The following DIAPH2 variants were observed in gnomAD, a reference collection of about 807,000 sequenced individuals.
The protein encoded by DIAPH2 is protein diaphanous homolog 2.
A neutral mutation model predicts 92.7 loss-of-function variants in DIAPH2; 35 were observed. The ratio of observed to expected loss-of-function variants is 0.38; its 90% CI spans 0.29 to 0.50. The LOEUF (loss-of-function observed/expected upper bound fraction) is 0.50. Ranked by LOEUF, DIAPH2 falls within the 20% of genes least tolerant of loss-of-function variation. DIAPH2 has a pLI of 0.94. For missense variants in DIAPH2, 701 were observed against 819.5 expected, an observed-to-expected ratio of 0.86 and a Z score of 1.77; for synonymous variants, 301 against 280.4, an observed-to-expected ratio of 1.07 and a Z score of -0.73.
intron 4 of DIAPH2, among the ~76,000 whole-genome samples, chrX:96,857,662 G>A (rs1020172009): frequency 8.9e-6 from 1 of 112,105 alleles, no homozygotes; most frequent in East Asian, 2.8e-4. Flanking sequence ...GGAATAACGA[G>A]CGTTTTCTTT....
chrX:97,323,401 C>T (rs1488320260), intron 23 of DIAPH2, among the ~76,000 whole-genome samples: 1 of 98,132 alleles, frequency 1.0e-5, no homozygotes, highest in Non-Finnish European at 2.0e-5. Flanking sequence ...ACCATCCTGG[C>T]GAACACGGTG....
chrX:97,113,279 G>T (rs1440576393), intron 20 of DIAPH2, among the ~76,000 whole-genome samples: 1 of 111,391 alleles, frequency 9.0e-6, no homozygotes, highest in Non-Finnish European at 1.9e-5. Flanking sequence ...AAAATCATGT[G>T]CTGGCTTTTT....
chrX:97,297,023 C>T (rs1395056541), intron 23 of DIAPH2, among the ~76,000 whole-genome samples: 2 of 106,129 alleles, frequency 1.9e-5, no homozygotes, highest in African/African-American at 3.4e-5. Context: ...GTGATCTGCC[C>T]ACCTCAGCCT....
chrX:97,493,949 G>A (rs1308943291), intron 26 of DIAPH2, among the ~76,000 whole-genome samples: 1 of 106,657 alleles, frequency 9.4e-6, no homozygotes, highest in Admixed American at 1.0e-4. Flanking sequence ...GGGCATGGTG[G>A]CTCACACCTG....
intron 15 of DIAPH2, among the ~76,000 whole-genome samples, chrX:96,950,980 G>A (rs1335429887): frequency 9.0e-6 from 1 of 111,723 alleles, no homozygotes; most frequent in Non-Finnish European, 1.9e-5. Flanking sequence ...GGTTGTTCAT[G>A]ACGAAAGCAT....
chrX:97,043,892 G>A (rs1466899611), intron 17 of DIAPH2, among the ~76,000 whole-genome samples: 2 of 112,060 alleles, frequency 1.8e-5, no homozygotes, highest in Admixed American at 1.9e-4. Flanking sequence ...AAGACATCAT[G>A]CTTTCTGATC....
At chrX:96,695,888 C>T (rs2063822706) in intron 1 of DIAPH2, among the ~76,000 whole-genome samples, 1 of 111,606 alleles carries the variant, frequency 9.0e-6, no homozygotes, top group African/African-American at 3.3e-5. Context: ...AAAGCATTTC[C>T]TATCCTCACT....
At chrX:97,057,313 A>C (rs781075602) in intron 17 of DIAPH2, among the ~76,000 whole-genome samples, 1 of 112,009 alleles carries the variant, frequency 8.9e-6, no homozygotes, top group African/African-American at 3.2e-5. Context: ...CTTGCCCCCT[A>C]CTAGGAACTT....
At chrX:97,503,504 C>T (rs2070812464) in intron 26 of DIAPH2, among the ~76,000 whole-genome samples, 1 of 111,928 alleles carries the variant, frequency 8.9e-6, no homozygotes, top group African/African-American at 3.2e-5. Flanking sequence ...GGGATTTTCT[C>T]CAGGTCATGT....
rs189966240 is a variant in DIAPH2, at chrX:97,352,576, G to A, written c.3009+4296G>A. On this transcript the variant is annotated intron_variant, in intron 24 of 26. Transcript: ENST00000324765. ...TTCTCAGAGATTTCATGAGTTTAAA[G>A]AACAGCATACAGGCCAGGCTCAGTG... 4.6e-4 allele frequency among the ~76,000 whole-genome samples: 51 copies of A among 109,849 alleles called. 1 individual carries two copies. In the East Asian group the frequency reaches 8.2e-3, roughly 18 times the overall value.
intron 26 of DIAPH2, among the ~76,000 whole-genome samples, chrX:97,503,358 G>T (rs1255356522): frequency 2.7e-5 from 3 of 111,936 alleles, no homozygotes; most frequent in Non-Finnish European, 5.6e-5. Context: ...ACATGCACTT[G>T]AACTGCCCTG....
chrX:97,491,661 G>GC (rs2070726544), intron 26 of DIAPH2, among the ~76,000 whole-genome samples: 1 of 111,730 alleles, frequency 9.0e-6, no homozygotes, highest in African/African-American at 3.3e-5. Flanking sequence ...CACCCAAAGT[G>GC]CTGGGATTAC....
intron 26 of DIAPH2, among the ~76,000 whole-genome samples, chrX:97,550,481 C>T (rs1290944432): frequency 1.8e-5 from 2 of 112,222 alleles, no homozygotes; most frequent in Non-Finnish European, 3.8e-5. Flanking sequence ...CTCATGGGCT[C>T]TTAAGCTAAG....
chrX:97,568,912 A>G (rs1276680117), intron 26 of DIAPH2, among the ~76,000 whole-genome samples: 5 of 112,094 alleles, frequency 4.5e-5, no homozygotes, highest in Non-Finnish European at 9.4e-5. Context: ...TAGGTGGCAT[A>G]AAGAATAGAT....
chrX:97,584,173 C>T (rs1164725659), intron 26 of DIAPH2, among the ~76,000 whole-genome samples: 1 of 112,205 alleles, frequency 8.9e-6, no homozygotes, highest in Non-Finnish European at 1.9e-5. Context: ...CGGAGCTGTT[C>T]ATATTCGGCC....
intron 23 of DIAPH2, among the ~76,000 whole-genome samples, chrX:97,312,901 G>T (rs2068808440): frequency 9.1e-6 from 1 of 110,236 alleles, no homozygotes; most frequent in Non-Finnish European, 1.9e-5. Flanking sequence ...GCTTTTGGCT[G>T]GGCGCGGTGG....
intron 4 of DIAPH2, among the ~76,000 whole-genome samples, chrX:96,849,327 G>A (rs1277867862): frequency 1.8e-5 from 2 of 111,022 alleles, no homozygotes; most frequent in Non-Finnish European, 3.8e-5. Flanking sequence ...CACCACGCCC[G>A]GATAATTTTT....
At chrX:96,894,308 A>G (rs989177977) in intron 5 of DIAPH2, among the ~76,000 whole-genome samples, 7 of 109,991 alleles carry the variant, frequency 6.4e-5, no homozygotes, top group Non-Finnish European at 1.3e-4. Context: ...CCAGCTTCCA[A>G]AAGAATTTCC....
chrX:97,125,036 CAG>C (rs751462405), intron 21 of DIAPH2, among the ~76,000 whole-genome samples: 4 of 110,969 alleles, frequency 3.6e-5, no homozygotes, highest in Non-Finnish European at 5.7e-5. Flanking sequence ...TAGACAGAGA[CAG>C]AGAGATTGAG....
Sources: gnomAD v4.1 joint callset for allele counts (sites outside exome capture counted in the v4.1 genomes callset) on GRCh38, gnomAD v4.1.1 for gene constraint, MANE v1.5 for transcripts, NCBI Gene and HGNC (gene_info 2026-07-23, HGNC 2026-07-21) for gene names.